Variants in GTSF1 observed in about 807,000 individuals in gnomAD.
GTSF1 encodes gametocyte-specific factor 1.
A neutral mutation model predicts 28.9 loss-of-function variants in GTSF1; 11 were observed. That is an observed-to-expected ratio of 0.38 (90% confidence interval 0.24 to 0.63). GTSF1 has a LOEUF of 0.63. Among genes scored for constraint, GTSF1 ranks in the 30% least tolerant of loss-of-function variants. GTSF1 has a pLI of 0.56. For synonymous variants in GTSF1, 69 were observed against 65.6 expected, an observed-to-expected ratio of 1.05 and a Z score of -0.25; for missense variants, 146 against 201.0, an observed-to-expected ratio of 0.73 and a Z score of 1.66.
chr12:54,458,772 G>A (rs1269464560), intron 8 of GTSF1, among the ~76,000 whole-genome samples: 1 of 150,500 alleles, frequency 6.6e-6, no homozygotes, highest in Middle Eastern at 3.2e-3. Context: ...GTGAAGCACA[G>A]CTCAATGATT....
chr12:54,461,269 T>C (rs535141972), intron 6 of GTSF1, among the ~76,000 whole-genome samples: 1 of 152,102 alleles, frequency 6.6e-6, no homozygotes, highest in African/African-American at 2.4e-5. Context: ...TATTTTTTTT[T>C]TTTAATTTTT....
intron 1 of GTSF1, chr12:54,472,224 GA>G (rs1956603166): frequency 6.6e-6 from 1 of 152,170 alleles, no homozygotes; most frequent in Non-Finnish European, 1.5e-5. Context: ...AATATGCTTG[GA>G]AACACTAGTT....
chr12:54,469,615 G>C (rs1956569157), intron 2 of GTSF1, among the ~76,000 whole-genome samples: 3 of 149,172 alleles, frequency 2.0e-5, no homozygotes, highest in Admixed American at 6.7e-5. Flanking sequence ...TTGAACCCAG[G>C]AGGCAGAGGT....
intron 8 of GTSF1, among the ~76,000 whole-genome samples, chr12:54,456,808 G>A (rs562720689): frequency 9.9e-5 from 15 of 152,254 alleles, no homozygotes; most frequent in South Asian, 4.1e-4. Flanking sequence ...CTTAATGGCC[G>A]GGTGTGGTGG....
intron 6 of GTSF1, among the ~76,000 whole-genome samples, chr12:54,461,699 G>A (rs2120745361): frequency 6.6e-6 from 1 of 152,118 alleles, no homozygotes; most frequent in South Asian, 2.1e-4. Context: ...TTTCCTAATA[G>A]GTACTCTGGA....
At chr12:54,468,995 T>A (rs1565661655) in intron 2 of GTSF1, 1 of 151,984 alleles carries the variant, frequency 6.6e-6, no homozygotes, top group African/African-American at 2.4e-5. Context: ...AAAGGGGAGA[T>A]GTTGTTTTCT....
At chr12:54,460,215 G>C (rs956391118) in intron 7 of GTSF1, among the ~76,000 whole-genome samples, 162 bp downstream of exon 7, 9 of 152,154 alleles carry the variant, frequency 5.9e-5, no homozygotes, top group Admixed American at 5.9e-4. Context: ...CGGTCAGTAG[G>C]GTGAACTGAG....
In GTSF1 at chr12:54,465,104, G is replaced by A; in HGVS notation, c.80C>T (p.Ala27Val). The change falls in exon 3 of 9, where the codon GCT becomes GTT. Residue 27 changes from alanine to valine, a missense_variant. Physicochemically the swap from Ala to Val is moderately conservative, Grantham distance 64 (BLOSUM62 0). Transcript: ENST00000305879. ...CPYDKNHQIR[A>V]CRFPYHLIKC... ...GATAAGATGATAAGGAAACCTGCAA[G>A]CCCTGATTTGATGGTTTTTGTCATA... is the stretch of plus-strand genomic sequence containing the variant. 6.2e-7 allele frequency: 1 copy of A among 1,613,448 alleles called. No homozygotes were observed. The highest frequency in any genetic ancestry group is 8.5e-7 in the Non-Finnish European group (1 of 1,179,550).
chr12:54,465,350 TC>T (rs1956494867), intron 2 of GTSF1, among the ~76,000 whole-genome samples, 183 bp from the exon 3 acceptor site: 1 of 152,206 alleles, frequency 6.6e-6, no homozygotes, highest in South Asian at 2.1e-4. Context: ...CTTAGTAAGT[TC>T]AGCAGAACCA....
intron 2 of GTSF1, among the ~76,000 whole-genome samples, chr12:54,469,520 T>G (rs1373915918): frequency 6.6e-6 from 1 of 151,034 alleles, no homozygotes; most frequent in Non-Finnish European, 1.5e-5. Context: ...AAACCCCATC[T>G]CTACTAAAAA....
intron 8 of GTSF1, among the ~76,000 whole-genome samples, chr12:54,457,387 C>G (rs767040299): frequency 2.6e-5 from 4 of 152,202 alleles, no homozygotes; most frequent in Non-Finnish European, 5.9e-5. Flanking sequence ...CCTTGTATAG[C>G]ATATCAGAGA....
intron 2 of GTSF1, 38 bp downstream of exon 2, chr12:54,471,194 GA>G: frequency 6.7e-7 from 1 of 1,494,830 alleles, no homozygotes; most frequent in Non-Finnish European, 9.1e-7. Flanking sequence ...ATACGTAAAT[GA>G]TTTAACTTAT....
In GTSF1 at chr12:54,470,454, G is replaced by C. The variant is rs568908934; in HGVS notation, c.16+779C>G. 7.2e-5 allele frequency among the ~76,000 whole-genome samples: 11 copies of C among 152,290 alleles called. No individual in the cohort carries two copies. In the East Asian group the frequency reaches 1.2e-3, roughly 16 times the overall value. ...GTAGTTTCTGTATTTTGGAGATATA[G>C]CTCTCCACTGGACTCTTCCTAGAGG... On this transcript the variant is annotated intron_variant, in intron 2 of 8. Transcript: ENST00000305879.
chr12:54,461,554 G>A (rs1195291582), intron 6 of GTSF1, among the ~76,000 whole-genome samples: 1 of 152,010 alleles, frequency 6.6e-6, no homozygotes, highest in Non-Finnish European at 1.5e-5. Flanking sequence ...GGCCCAGGGG[G>A]ATCGCTTGAG....
intron 1 of GTSF1, chr12:54,472,750 C>T (rs1956607619): frequency 6.6e-6 from 1 of 152,136 alleles, no homozygotes; most frequent in Non-Finnish European, 1.5e-5. Flanking sequence ...AAGTGATCAG[C>T]TAGAACTCTA....
intron 5 of GTSF1, 90 bp from the exon 6 acceptor site, chr12:54,462,262 A>G (rs1242278804): frequency 2.2e-6 from 2 of 921,332 alleles, no homozygotes; most frequent in African/African-American, 3.3e-5. Flanking sequence ...GGGAAATAAT[A>G]CACCTAAGTT....
At chr12:54,460,262 A>G in intron 7 of GTSF1, 115 bp downstream of exon 7, 1 of 720,078 alleles carries the variant, frequency 1.4e-6, no homozygotes, top group South Asian at 1.8e-5. Flanking sequence ...GGAGGCACTC[A>G]CTTTAAGGGT....
chr12:54,458,147 T>C (rs1956364017), intron 8 of GTSF1, among the ~76,000 whole-genome samples: 1 of 152,180 alleles, frequency 6.6e-6, no homozygotes, highest in Admixed American at 6.5e-5. Context: ...TAACATTCCC[T>C]TTGCCAGAAG....
rs4016626 is a variant in GTSF1 at position 54,458,832 on chromosome 12, TA to T, written c.*20+256del. Among the ~76,000 whole-genome samples the T allele has an allele frequency of 3.8e-3, 499 of 131,638 alleles. 4 individuals are homozygous for T. The highest frequency in any genetic ancestry group is 4.2e-3 in the African/African-American group (151 of 36,242). The allele number at this position is 131,638 out of a possible 152,430, so 86.4% of individuals were successfully genotyped here. Reference sequence around the variant, plus strand: ...TGATAGATCTAGAATGCAACTTTGATAAAAAAAAAAAAGGCAATGTGTACTA... The same window carrying T: ...TGATAGATCTAGAATGCAACTTTGATAAAAAAAAAAAGGCAATGTGTACTA... On this transcript the variant is annotated intron_variant, in intron 8 of 8. Coordinates refer to ENST00000305879, the MANE Select transcript of GTSF1 (RefSeq NM_144594.3).
Sources: gnomAD v4.1 joint callset for allele counts (sites outside exome capture counted in the v4.1 genomes callset) on GRCh38, gnomAD v4.1.1 for gene constraint, MANE v1.5 for transcripts, NCBI Gene and HGNC (gene_info 2026-07-23, HGNC 2026-07-21) for gene names.